Variants in CDC73 observed in about 807,000 individuals in gnomAD.
CDC73 encodes the protein cell division cycle 73, also known as parafibromin.
A neutral mutation model predicts 83.7 loss-of-function variants in CDC73; 21 were observed. That is an observed-to-expected ratio of 0.25 (90% CI 0.18 to 0.36). CDC73 has a LOEUF of 0.36. Ranked by LOEUF, CDC73 falls within the 10% of genes least tolerant of loss-of-function variation. The pLI, the probability that CDC73 is intolerant of heterozygous loss-of-function variation, is 1.00. For synonymous variants in CDC73, 224 were observed against 212.9 expected, an observed-to-expected ratio of 1.05 and a Z score of -0.45; for missense variants, 342 against 653.3, an observed-to-expected ratio of 0.52 and a Z score of 5.19.
intron 11 of CDC73, among the ~76,000 whole-genome samples, chr1:193,208,437 C>T (rs1403591282): frequency 6.6e-6 from 1 of 152,108 alleles, no homozygotes; most frequent in Non-Finnish European, 1.5e-5. Context: ...AAATTCATTG[C>T]TATTATATTT....
Position 193,135,868 on chromosome 1 carries a change from C to CT in CDC73, c.423+297dup, listed in dbSNP as rs1038256301. Among the ~76,000 whole-genome samples, 2,780 of 127,138 alleles carry CT rather than the reference C, an allele frequency of 0.022. 68 individuals carry two copies. The highest frequency in any genetic ancestry group is 0.054 in the African/African-American group (1,880 of 34,638). 83.4% of individuals were successfully genotyped at this position (127,138 alleles called of 152,430 possible). A position where few individuals can be genotyped will look rare whatever the true frequency, so the allele number is the denominator to read the frequency against. ...GTCAGAATTCTTTTTCCTTTCTGTT[C>CT]TTTTTTTTTTTTTTTTTTGAGGCAG... On this transcript the variant is annotated intron_variant, in intron 5 of 16. Transcript: ENST00000367435.
chr1:193,197,075 TCATATGTATCTTTATTATGTGGAGGA>T (rs1677014764), intron 10 of CDC73, among the ~76,000 whole-genome samples: 1 of 152,216 alleles, frequency 6.6e-6, no homozygotes, highest in South Asian at 2.1e-4. Context: ...TGTGGGTTTT[TCATATGTATCTTTATTATGTGGAGGA>T]CATTGCCTTC....
Position 193,129,705 on chromosome 1 carries a change from G to C in CDC73, c.238-469G>C, listed in dbSNP as rs753746650. 5.5e-4 allele frequency among the ~76,000 whole-genome samples: 83 copies of C among 151,472 alleles called. 2 individuals are homozygous for C. The highest frequency in any genetic ancestry group is 2.6e-4 in the Admixed American group (4 of 15,220). On this transcript the variant is annotated intron_variant, in intron 2 of 16. Coordinates refer to ENST00000367435, the MANE Select transcript of CDC73 (RefSeq NM_024529.5). ...TTTTTGTCTTTTTAGTAGAGACGGG[G>C]TGTTGCCATGTTGGCCAGGCTGGTC...
In CDC73 at chr1:193,251,401, A is replaced by T. The variant is rs1191082925; in HGVS notation, c.*689A>T. ...CTGTAATATCTTTCCATTTGAAAAA[A>T]ATCTCAAAACACAGATTAAAACCAC... is the stretch of plus-strand genomic sequence containing the variant. On this transcript the variant is annotated 3_prime_UTR_variant, in exon 17 of 17. Transcript: ENST00000367435. 1.3e-5 allele frequency: 3 copies of T among 231,998 alleles called. No homozygotes were observed. Among genetic ancestry groups the T allele is most frequent in the East Asian group, 6.1e-5 (1 of 16,382 alleles). 14.4% of individuals were successfully genotyped at this position (231,998 alleles called of 1,614,324 possible).
intron 15 of CDC73, among the ~76,000 whole-genome samples, chr1:193,244,214 C>T (rs541876443): frequency 9.2e-5 from 14 of 152,284 alleles, no homozygotes; most frequent in Middle Eastern, 6.8e-3. Context: ...ATTTTATAAC[C>T]TACCTGTTTT....
At chr1:193,130,419 T>C (rs1402893311) in intron 3 of CDC73, among the ~76,000 whole-genome samples, 176 bp downstream of exon 3, 1 of 152,226 alleles carries the variant, frequency 6.6e-6, no homozygotes, top group East Asian at 1.9e-4. Context: ...TTTGCCCTTA[T>C]GGCCAGTCAC....
At chr1:193,139,423 C>T (rs1363040264) in intron 6 of CDC73, among the ~76,000 whole-genome samples, 3 of 152,042 alleles carry the variant, frequency 2.0e-5, no homozygotes, top group African/African-American at 4.8e-5. Context: ...CATGCCACCA[C>T]GCCCAGCTAA....
intron 10 of CDC73, among the ~76,000 whole-genome samples, chr1:193,189,348 T>A (rs1676881039): frequency 6.6e-6 from 1 of 152,180 alleles, no homozygotes; most frequent in Non-Finnish European, 1.5e-5. Flanking sequence ...CTTTAGTAAC[T>A]TTTTGTAGCA....
At chr1:193,194,355 C>T (rs904941271) in intron 10 of CDC73, among the ~76,000 whole-genome samples, 1 of 152,152 alleles carries the variant, frequency 6.6e-6, no homozygotes, top group African/African-American at 2.4e-5. Flanking sequence ...AAGTTCCTCA[C>T]TTTGTGGCAA....
chr1:193,229,309 T>TAC (rs1677616779), intron 13 of CDC73, among the ~76,000 whole-genome samples: 1 of 152,242 alleles, frequency 6.6e-6, no homozygotes, highest in African/African-American at 2.4e-5. Flanking sequence ...ACCTTGAAAC[T>TAC]ACCCTGCTGT....
chr1:193,185,049 C>A (rs1036471092), intron 10 of CDC73, among the ~76,000 whole-genome samples: 1 of 152,008 alleles, frequency 6.6e-6, no homozygotes, highest in African/African-American at 2.4e-5. Context: ...CTGTGCCCTG[C>A]ACACACATAT....
intron 10 of CDC73, among the ~76,000 whole-genome samples, chr1:193,165,994 A>C (rs1222251516): frequency 2.0e-5 from 3 of 152,240 alleles, no homozygotes; most frequent in Non-Finnish European, 4.4e-5. Flanking sequence ...GTTAAAAAAC[A>C]ATTATCAAGT....
rs1287847400 is a variant in CDC73, at chr1:193,202,211, T to C, written c.973-1584T>C. Among the ~76,000 whole-genome samples the C allele has an allele frequency of 2.0e-5, 3 of 148,960 alleles. No homozygotes were observed. The Admixed American group carries it at 2.1e-4, about 10-fold the overall frequency. ...GATTATCCGCTGGCTTCTGATTTTT[T>C]TAAAAATCTAGGTGCAGTTCAGTTC... On this transcript the variant is annotated intron_variant, in intron 10 of 16. Transcript: ENST00000367435.
chr1:193,224,879 AC>A (rs1306719312), intron 13 of CDC73, among the ~76,000 whole-genome samples: 1 of 151,200 alleles, frequency 6.6e-6, no homozygotes, highest in African/African-American at 2.4e-5. Context: ...TTATCTTCTT[AC>A]CTTTTGTCTT....
chr1:193,222,070 C>G (rs1346011817), intron 13 of CDC73, among the ~76,000 whole-genome samples: 1 of 152,002 alleles, frequency 6.6e-6, no homozygotes, highest in East Asian at 1.9e-4. Flanking sequence ...CTTTAACATG[C>G]TAACAAACAA....
chr1:193,231,717 C>T (rs1467726548), intron 13 of CDC73, among the ~76,000 whole-genome samples: 1 of 152,138 alleles, frequency 6.6e-6, no homozygotes, highest in East Asian at 1.9e-4. Flanking sequence ...TCAGTATCAT[C>T]ATTATCACCA....
At chr1:193,145,078 T>C (rs1675973667) in intron 7 of CDC73, among the ~76,000 whole-genome samples, 1 of 152,206 alleles carries the variant, frequency 6.6e-6, no homozygotes, top group Non-Finnish European at 1.5e-5. Flanking sequence ...TGATACTGTA[T>C]AATTAACCAT....
In CDC73 at chr1:193,246,020, G is replaced by C. The variant is rs190913526; in HGVS notation, c.1418-3710G>C. Reference sequence around the variant, plus strand: ...AATTTTTAAGTTTCTAGTATATTCTGATTATTAATCCCCTGTCAGATGAGT... The same window carrying C: ...AATTTTTAAGTTTCTAGTATATTCTCATTATTAATCCCCTGTCAGATGAGT... On this transcript the variant is annotated intron_variant, in intron 15 of 16. Transcript: ENST00000367435. Among the ~76,000 whole-genome samples, 16 of 152,134 alleles carry C rather than the reference G, an allele frequency of 1.1e-4. 1 individual carries two copies. Among genetic ancestry groups the C allele is most frequent in the African/African-American group, 3.9e-4 (16 of 41,504 alleles).
chr1:193,170,978 T>G (rs1470276979), intron 10 of CDC73, among the ~76,000 whole-genome samples: 8 of 152,208 alleles, frequency 5.3e-5, no homozygotes, highest in Non-Finnish European at 1.2e-4. Flanking sequence ...CCAAGGACTA[T>G]ATGGATAACT....
Sources: allele counts gnomAD v4.1 joint callset (sites outside exome capture counted in the v4.1 genomes callset), GRCh38; gene constraint gnomAD v4.1.1; transcripts MANE v1.5; gene names NCBI Gene and HGNC (gene_info 2026-07-23, HGNC 2026-07-21).